The following CDH13 variants were observed in gnomAD, a reference collection of about 807,000 sequenced individuals.
CDH13 encodes the protein cadherin-13.
In CDH13, 24 loss-of-function variants were observed where a neutral mutation model predicts 63.8. The observed-to-expected ratio is 0.38, with a 90% confidence interval of 0.27 to 0.53. The LOEUF (loss-of-function observed/expected upper bound fraction) is 0.53. CDH13 is among the 20% of genes least tolerant of loss of function. CDH13 has a pLI of 0.85. For synonymous variants in CDH13, 503 were observed against 355.3 expected (o/e 1.42, Z -4.67); for missense variants, 1,049 against 903.1 (o/e 1.16, Z -2.07).
In CDH13 at chr16:83,394,428, A is replaced by G. The variant is rs563692881; in HGVS notation, c.781+49422A>G. Among the ~76,000 whole-genome samples, 5 of 152,282 alleles carry G rather than the reference A, an allele frequency of 3.3e-5. No homozygotes were observed. In the South Asian group the frequency reaches 1.0e-3, roughly 32 times the overall value. ...AGGTACAGCAGGCCAGACAGAGGCA[A>G]CAGCACATGCAAAGTCCCTGAGGCA... On this transcript the variant is annotated intron_variant, in intron 6 of 13. Transcript: ENST00000567109.
At chr16:82,806,755 C>A (rs960219459) in intron 1 of CDH13, among the ~76,000 whole-genome samples, 1 of 152,024 alleles carries the variant, frequency 6.6e-6, no homozygotes, top group Admixed American at 6.6e-5. Flanking sequence ...TCACATGAAA[C>A]AATGAAGAGT....
chr16:83,188,925 G>C (rs1203747221), intron 4 of CDH13, among the ~76,000 whole-genome samples: 1 of 152,120 alleles, frequency 6.6e-6, no homozygotes, highest in African/African-American at 2.4e-5. Context: ...GGCACGCTTG[G>C]AGTGAGACCC....
At chr16:82,868,991 A>T (rs1416640300) in intron 2 of CDH13, among the ~76,000 whole-genome samples, 1 of 152,184 alleles carries the variant, frequency 6.6e-6, no homozygotes, top group East Asian at 1.9e-4. Context: ...CAATCTCAAC[A>T]GTCTGTTTTG....
At chr16:83,303,506 G>A (rs74334666) in intron 5 of CDH13, among the ~76,000 whole-genome samples, 2,637 of 152,270 alleles carry the variant, frequency 0.017, 40 homozygotes, top group African/African-American at 0.038. Flanking sequence ...GACAAAGTTT[G>A]TCTGGGCTGT....
chr16:83,331,713 T>C (rs1033791001), intron 5 of CDH13, among the ~76,000 whole-genome samples: 14 of 152,204 alleles, frequency 9.2e-5, no homozygotes, highest in Admixed American at 3.3e-4. Flanking sequence ...AAAATTGCAT[T>C]ATGTATACAC....
At chr16:82,655,514 A>C (rs1370070012) in intron 1 of CDH13, among the ~76,000 whole-genome samples, 1 of 152,144 alleles carries the variant, frequency 6.6e-6, no homozygotes, top group Admixed American at 6.5e-5. Flanking sequence ...CAAGAGTAGG[A>C]GATGAGATCA....
chr16:82,829,281 G>A (rs993107056), intron 1 of CDH13: 1 of 152,072 alleles, frequency 6.6e-6, no homozygotes, highest in Non-Finnish European at 1.5e-5. Flanking sequence ...TCTCCGTGTG[G>A]ATCACATTAA....
At chr16:83,344,553 C>A (rs1052002961) in intron 5 of CDH13, among the ~76,000 whole-genome samples, 1 of 152,192 alleles carries the variant, frequency 6.6e-6, no homozygotes, top group East Asian at 1.9e-4. Flanking sequence ...AGAAATGATA[C>A]AAGCGTAATT....
intron 2 of CDH13, among the ~76,000 whole-genome samples, chr16:82,869,054 CATT>C (rs976786246): frequency 4.6e-5 from 7 of 152,084 alleles, no homozygotes; most frequent in African/African-American, 1.7e-4. Context: ...TAATTATTAT[CATT>C]ATTATTTGAG....
chr16:82,777,323 G>A lies in CDH13; in HGVS notation c.46-81039G>A, dbSNP rs950289445. Among the ~76,000 whole-genome samples the A allele has an allele frequency of 3.3e-5, 5 of 152,212 alleles. No individual in the cohort carries two copies. The South Asian group carries it at 8.3e-4, about 25-fold the overall frequency. On this transcript the variant is annotated intron_variant, in intron 1 of 13. Coordinates refer to ENST00000567109, the MANE Select transcript of CDH13 (RefSeq NM_001257.5). Reference sequence around the variant, plus strand: ...GATGAACTGAGGATCAAGAAGGTGAGACTTGATGTGAGTCAGATAGTGAAT... The same window carrying A: ...GATGAACTGAGGATCAAGAAGGTGAAACTTGATGTGAGTCAGATAGTGAAT...
chr16:83,367,182 G>C (rs2091274500), intron 6 of CDH13, among the ~76,000 whole-genome samples: 1 of 152,080 alleles, frequency 6.6e-6, no homozygotes, highest in Admixed American at 6.5e-5. Context: ...TACCTCCATG[G>C]ATTTGCCCAT....
At chr16:83,633,185 T>C (rs566639566) in intron 8 of CDH13, among the ~76,000 whole-genome samples, 1 of 151,936 alleles carries the variant, frequency 6.6e-6, no homozygotes, top group East Asian at 1.9e-4. Context: ...TGATTAAGAA[T>C]GCCTCAACCT....
rs146931331 is a variant in CDH13, at chr16:83,190,242, T to C, written c.484-27103T>C. Among the ~76,000 whole-genome samples, 492 of 152,304 alleles carry C rather than the reference T, an allele frequency of 3.2e-3. 3 individuals carry two copies. The highest frequency in any genetic ancestry group is 0.011 in the African/African-American group (477 of 41,586). ...GCTTGGCTAGAAGTACATCTCATTATGAGTGGAAGTGGGGGAATGTCATGG... is the reference window on the plus strand; with the variant it reads ...GCTTGGCTAGAAGTACATCTCATTACGAGTGGAAGTGGGGGAATGTCATGG... On this transcript the variant is annotated intron_variant, in intron 4 of 13. Coordinates refer to ENST00000567109, the MANE Select transcript of CDH13 (RefSeq NM_001257.5).
intron 7 of CDH13, among the ~76,000 whole-genome samples, chr16:83,579,792 G>A (rs529398000): frequency 6.6e-6 from 1 of 151,820 alleles, no homozygotes; most frequent in Non-Finnish European, 1.5e-5. Flanking sequence ...TGATAAGTCA[G>A]ATATTATGTT....
chr16:83,745,528 G>A (rs572967811), intron 10 of CDH13, among the ~76,000 whole-genome samples: 2 of 152,324 alleles, frequency 1.3e-5, no homozygotes, highest in South Asian at 2.1e-4. Context: ...GTGGCCAGGC[G>A]AGGGTGGTAG....
intron 7 of CDH13, among the ~76,000 whole-genome samples, chr16:83,548,330 G>T (rs922930122): frequency 6.6e-6 from 1 of 152,142 alleles, no homozygotes; most frequent in African/African-American, 2.4e-5. Flanking sequence ...GTTGCAACTG[G>T]CTGGGAGATT....
rs1360235854 is a variant in CDH13 at position 82,713,818 on chromosome 16, AAAC to A, written c.45+86684_45+86686del. Among the ~76,000 whole-genome samples, 310 of 143,328 alleles carry A rather than the reference AAAC, an allele frequency of 2.2e-3. 2 individuals are homozygous for A. The highest frequency in any genetic ancestry group is 0.017 in the Middle Eastern group (5 of 286). The allele number at this position is 143,328 out of a possible 152,430, so 94.0% of individuals were successfully genotyped here. A position where few individuals can be genotyped will look rare whatever the true frequency, so the allele number is the denominator to read the frequency against. On this transcript the variant is annotated intron_variant, in intron 1 of 13. Coordinates refer to ENST00000567109, the MANE Select transcript of CDH13 (RefSeq NM_001257.5). ...CTTCTGTATTTGTGAAAAAAAAAAC[AAAC>A]AAAAAAAAAGGAAAACAATAGTTTC...
rs183650955 is a variant in CDH13, at chr16:83,380,169, G to T, written c.781+35163G>T. On this transcript the variant is annotated intron_variant, in intron 6 of 13. Coordinates refer to ENST00000567109, the MANE Select transcript of CDH13 (RefSeq NM_001257.5). ...TAAAAAGGTTGAAAGTCATAGAACA[G>T]GATATGACGGATCAAAGATCTTAAG... Among the ~76,000 whole-genome samples the T allele has an allele frequency of 1.6e-3, 244 of 152,044 alleles. 4 individuals are homozygous for T. The highest frequency in any genetic ancestry group is 5.2e-3 in the African/African-American group (215 of 41,450).
chr16:82,694,488 G>A (rs886655253), intron 1 of CDH13, among the ~76,000 whole-genome samples: 1 of 152,102 alleles, frequency 6.6e-6, no homozygotes, highest in African/African-American at 2.4e-5. Flanking sequence ...ATGAGAAGGA[G>A]GCTGTTTTAT....
Sources: allele counts gnomAD v4.1 joint callset (sites outside exome capture counted in the v4.1 genomes callset), GRCh38; gene constraint gnomAD v4.1.1; transcripts MANE v1.5; gene names NCBI Gene and HGNC (gene_info 2026-07-23, HGNC 2026-07-21).